Variants in GABRA5 observed in about 807,000 individuals in gnomAD.
GABRA5 encodes gamma-aminobutyric acid type A receptor subunit alpha5, also known as gamma-aminobutyric acid receptor subunit alpha-5.
A neutral mutation model predicts 47.3 loss-of-function variants in GABRA5; 18 were observed. The observed-to-expected ratio is 0.38, with a 90% CI of 0.26 to 0.56. The LOEUF (loss-of-function observed/expected upper bound fraction) is 0.56. Ranked by LOEUF, GABRA5 falls within the 20% of genes least tolerant of loss-of-function variation. The pLI, the probability that GABRA5 is intolerant of heterozygous loss-of-function variation, is 0.71. For missense variants in GABRA5, 365 were observed against 599.3 expected, an observed-to-expected ratio of 0.61 and a Z score of 4.08; for synonymous variants, 237 against 229.3, an observed-to-expected ratio of 1.03 and a Z score of -0.30.
intron 3 of GABRA5, among the ~76,000 whole-genome samples, chr15:26,877,279 T>A (rs1180587633): frequency 6.6e-6 from 1 of 152,194 alleles, no homozygotes; most frequent in Non-Finnish European, 1.5e-5. Context: ...CTTGGTTTTG[T>A]TTTTCTGTTA....
chr15:26,942,821 G>A (rs1395256236), intron 9 of GABRA5, among the ~76,000 whole-genome samples: 1 of 152,174 alleles, frequency 6.6e-6, no homozygotes. Flanking sequence ...CGCAGGCTGG[G>A]ATTAAAATCA....
At chr15:26,906,699 T>TA (rs1893452836) in intron 6 of GABRA5, among the ~76,000 whole-genome samples, 1 of 152,288 alleles carries the variant, frequency 6.6e-6, no homozygotes, top group Non-Finnish European at 1.5e-5. Context: ...TGTAGTATTT[T>TA]AAAAAAATCA....
chr15:26,890,730 A>G (rs1325339476), intron 6 of GABRA5, among the ~76,000 whole-genome samples: 1 of 152,214 alleles, frequency 6.6e-6, no homozygotes, highest in African/African-American at 2.4e-5. Flanking sequence ...TCAATCATGT[A>G]TAACACATGC....
chr15:26,900,935 T>TCAAA lies in GABRA5; in HGVS notation c.498-13867_498-13864dup, dbSNP rs552126917. 1.9e-3 allele frequency among the ~76,000 whole-genome samples: 289 copies of TCAAA among 152,278 alleles called. 2 individuals carry two copies. The highest frequency in any genetic ancestry group is 6.5e-3 in the African/African-American group (270 of 41,568). ...TATAGTTTTGCCTTTTCCCAGAATGTCAAATAGTTAGAATCATACCGTGTG... is the reference window on the plus strand; with the variant it reads ...TATAGTTTTGCCTTTTCCCAGAATGTCAAACAAATAGTTAGAATCATACCGTGTG... On this transcript the variant is annotated intron_variant, in intron 6 of 10. Coordinates refer to ENST00000335625, the MANE Select transcript of GABRA5 (RefSeq NM_000810.4).
chr15:26,946,522 A>G (rs141599581), intron 10 of GABRA5, among the ~76,000 whole-genome samples: 110 of 151,974 alleles, frequency 7.2e-4, no homozygotes, highest in African/African-American at 2.5e-3. Context: ...CATTATAACT[A>G]GAGTCCAATA....
intron 7 of GABRA5, among the ~76,000 whole-genome samples, chr15:26,932,524 A>G (rs1354176493): frequency 6.6e-6 from 1 of 152,262 alleles, no homozygotes; most frequent in Non-Finnish European, 1.5e-5. Flanking sequence ...GTGAGAATGT[A>G]AATTAGTTCA....
chr15:26,898,155 A>G (rs1893243789), intron 6 of GABRA5, among the ~76,000 whole-genome samples: 1 of 152,226 alleles, frequency 6.6e-6, no homozygotes, highest in Non-Finnish European at 1.5e-5. Context: ...TTAGAAATTG[A>G]GAAGAATGCT....
At chr15:26,895,012 G>C (rs1444361870) in intron 6 of GABRA5, among the ~76,000 whole-genome samples, 1 of 151,926 alleles carries the variant, frequency 6.6e-6, no homozygotes, top group East Asian at 1.9e-4. Context: ...CTGAAACTGA[G>C]CCCAGAGCTC....
intron 7 of GABRA5, among the ~76,000 whole-genome samples, chr15:26,930,469 A>G (rs1019492790): frequency 1.9e-4 from 29 of 152,168 alleles, no homozygotes; most frequent in Admixed American, 7.2e-4. Context: ...CACGAAAACT[A>G]TGACTATAAC....
chr15:26,888,370 A>T (rs893517528), intron 6 of GABRA5, among the ~76,000 whole-genome samples: 1 of 152,224 alleles, frequency 6.6e-6, no homozygotes, highest in Non-Finnish European at 1.5e-5. Context: ...TTACAGAACC[A>T]TGCCCAGAAT....
chr15:26,902,628 T>C (rs933598963), intron 6 of GABRA5, among the ~76,000 whole-genome samples: 1 of 152,110 alleles, frequency 6.6e-6, no homozygotes, highest in African/African-American at 2.4e-5. Flanking sequence ...TATATAAATT[T>C]TACTTCCTTT....
chr15:26,935,372 T>G (rs1169155569), intron 7 of GABRA5, among the ~76,000 whole-genome samples: 1 of 152,224 alleles, frequency 6.6e-6, no homozygotes, highest in Non-Finnish European at 1.5e-5. Flanking sequence ...CTTACAATGA[T>G]TATTTCATTG....
intron 8 of GABRA5, among the ~76,000 whole-genome samples, chr15:26,937,615 G>A (rs1894278165): frequency 6.6e-6 from 1 of 152,228 alleles, no homozygotes; most frequent in Non-Finnish European, 1.5e-5. Flanking sequence ...AGCAGGAAAG[G>A]TAGACAGCTT....
intron 7 of GABRA5, among the ~76,000 whole-genome samples, chr15:26,930,006 CTTTT>C (rs72082419): frequency 3.8e-4 from 43 of 113,386 alleles, no homozygotes; most frequent in South Asian, 6.0e-4. Context: ...TCTTCTTCTT[CTTTT>C]TTTTTTTTTT....
At chr15:26,900,480 A>G (rs1595410696) in intron 6 of GABRA5, among the ~76,000 whole-genome samples, 2 of 152,176 alleles carry the variant, frequency 1.3e-5, no homozygotes, top group South Asian at 4.1e-4. Flanking sequence ...TTTGGCATTT[A>G]TTATATGGCA....
intron 6 of GABRA5, among the ~76,000 whole-genome samples, chr15:26,911,398 A>ACACAC (rs1566877398): frequency 1.6e-3 from 156 of 96,828 alleles, no homozygotes; most frequent in South Asian, 7.6e-3. Flanking sequence ...CACACACACA[A>ACACAC]ACACACACAC....
rs569252454 is a variant in GABRA5 at position 26,929,775 on chromosome 15, G to A, written c.581-7410G>A. Among the ~76,000 whole-genome samples the A allele has an allele frequency of 8.2e-4, 125 of 152,276 alleles. 2 individuals are homozygous for A. The highest frequency in any genetic ancestry group is 3.4e-3 in the Middle Eastern group (1 of 294). ...TCAGGGCAGGGCAGGGCGCCTCTCCGTCCTGCAGGTACCAGCATCCCTCCT... is the reference window on the plus strand; with the variant it reads ...TCAGGGCAGGGCAGGGCGCCTCTCCATCCTGCAGGTACCAGCATCCCTCCT... On this transcript the variant is annotated intron_variant, in intron 7 of 10. Transcript: ENST00000335625.
At chr15:26,881,753 G>T (rs920024160) in intron 4 of GABRA5, among the ~76,000 whole-genome samples, 3 of 152,160 alleles carry the variant, frequency 2.0e-5, no homozygotes, top group African/African-American at 7.2e-5. Flanking sequence ...AGGCAGGAGT[G>T]CAATGGCATG....
chr15:26,919,353 A>AT (rs145074076), intron 7 of GABRA5, among the ~76,000 whole-genome samples: 72,917 of 151,536 alleles, frequency 0.48, 18,210 homozygotes, highest in Middle Eastern at 0.64. Flanking sequence ...GTGCTTCATT[A>AT]TTTTTTTTGT....
Sources: allele counts gnomAD v4.1 joint callset (sites outside exome capture counted in the v4.1 genomes callset), GRCh38; gene constraint gnomAD v4.1.1; transcripts MANE v1.5; gene names NCBI Gene and HGNC (gene_info 2026-07-23, HGNC 2026-07-21).